TLN2: variants seen among roughly 807,000 people sequenced by gnomAD.
TLN2 encodes talin-2.
TLN2 carries 118 observed loss-of-function variants against 294.7 expected under a neutral mutation model. That is an observed-to-expected ratio of 0.40 (90% CI 0.34 to 0.47). TLN2 has a LOEUF of 0.47. Ranked by LOEUF, TLN2 falls within the 20% of genes least tolerant of loss-of-function variation. The pLI is 0.84. For synonymous variants in TLN2, 1,431 were observed against 1,304.5 expected (o/e 1.10, Z -2.09); for missense variants, 3,083 against 3,282.2 (o/e 0.94, Z 1.48).
intron 25 of TLN2, among the ~76,000 whole-genome samples, chr15:62,720,818 G>A (rs529162064): frequency 2.0e-5 from 3 of 152,084 alleles, no homozygotes; most frequent in East Asian, 3.9e-4. Context: ...ATTATTGGAC[G>A]TACAGGTTTT....
intron 42 of TLN2, 125 bp from the exon 43 acceptor site, chr15:62,776,639 A>G (rs913941183): frequency 4.2e-6 from 4 of 949,642 alleles, no homozygotes; most frequent in African/African-American, 3.4e-5. Flanking sequence ...AAGGGAAGAA[A>G]TAGAATAGAT....
At chr15:62,664,989 T>G (rs1386471086) in intron 9 of TLN2, among the ~76,000 whole-genome samples, 2 of 96,788 alleles carry the variant, frequency 2.1e-5, no homozygotes, top group Non-Finnish European at 4.7e-5. Context: ...CATGTCAATA[T>G]GTATTTCTCC....
At chr15:62,605,380 T>G (rs1374275464) in intron 2 of TLN2, among the ~76,000 whole-genome samples, 1 of 152,206 alleles carries the variant, frequency 6.6e-6, no homozygotes, top group Non-Finnish European at 1.5e-5. Flanking sequence ...GCGATGAGCT[T>G]CTTGTTGTTA....
intron 1 of TLN2, among the ~76,000 whole-genome samples, chr15:62,582,261 C>T (rs576293153): frequency 7.6e-4 from 112 of 146,514 alleles, no homozygotes; most frequent in Admixed American, 1.8e-3. Context: ...CATGCCTGAC[C>T]CATTCCTGAC....
chr15:62,826,086 G>A (rs1302853679), intron 54 of TLN2, among the ~76,000 whole-genome samples: 2 of 150,866 alleles, frequency 1.3e-5, no homozygotes, highest in Non-Finnish European at 2.9e-5. Context: ...TAGACCAGTA[G>A]GTCCTTGTCA....
At chr15:62,705,464 A>G (rs1595729130) in intron 19 of TLN2, among the ~76,000 whole-genome samples, 1 of 152,202 alleles carries the variant, frequency 6.6e-6, no homozygotes, top group Non-Finnish European at 1.5e-5. Context: ...GTCAGCAGCT[A>G]TAGCTGTAGT....
intron 7 of TLN2, among the ~76,000 whole-genome samples, chr15:62,655,070 T>G (rs1029748071): frequency 1.3e-5 from 2 of 151,600 alleles, no homozygotes; most frequent in Non-Finnish European, 2.9e-5. Flanking sequence ...CTTTCTGTGT[T>G]TTTTTTTTCT....
At chr15:62,567,610 G>A (rs1297142201) in intron 1 of TLN2, among the ~76,000 whole-genome samples, 7 of 151,976 alleles carry the variant, frequency 4.6e-5, no homozygotes, top group African/African-American at 1.7e-4. Context: ...CAAGGCGGGT[G>A]GATCACTTGA....
intron 4 of TLN2, 125 bp from the exon 5 acceptor site, chr15:62,649,959 A>G: frequency 1.1e-6 from 1 of 912,878 alleles, no homozygotes; most frequent in South Asian, 1.5e-5. Context: ...TGTCAAAACG[A>G]AACATTGCTG....
At position 62,722,502 on chromosome 15, in the gene TLN2, T is replaced by C; in HGVS notation, c.3126+15T>C. On this transcript the variant is annotated intron_variant, in intron 26 of 58. Coordinates refer to ENST00000636159, the MANE Select transcript of TLN2 (RefSeq NM_015059.3). ...CCTCGCAGAAGGCAAGTGGAGCGTG[T>C]CATAGGGGTTAACTTGTCAGGAAGG... The C allele has an allele frequency of 6.2e-6, 10 of 1,602,064 alleles. No homozygotes were observed. Among genetic ancestry groups the C allele is most frequent in the Non-Finnish European group, 8.5e-6 (10 of 1,172,538 alleles).
At chr15:62,548,186 G>A (rs940988538) in intron 1 of TLN2, among the ~76,000 whole-genome samples, 2 of 152,194 alleles carry the variant, frequency 1.3e-5, no homozygotes, top group African/African-American at 4.8e-5. Context: ...GCCTGAGTCT[G>A]GAAGACCAGA....
intron 1 of TLN2, among the ~76,000 whole-genome samples, chr15:62,523,437 A>C (rs935571027): frequency 6.6e-6 from 1 of 152,238 alleles, no homozygotes; most frequent in Non-Finnish European, 1.5e-5. Context: ...ATGCTAGTGA[A>C]TAGCTGTATG....
At chr15:62,521,049 T>TAA (rs1230298455) in intron 1 of TLN2, among the ~76,000 whole-genome samples, 1 of 152,216 alleles carries the variant, frequency 6.6e-6, no homozygotes, top group African/African-American at 2.4e-5. Flanking sequence ...TTTGTCTTCT[T>TAA]ACAGTGTCAT....
At chr15:62,685,316 G>T (rs538274319) in intron 11 of TLN2, among the ~76,000 whole-genome samples, 17 of 152,124 alleles carry the variant, frequency 1.1e-4, no homozygotes, top group Middle Eastern at 3.4e-3. Context: ...CATAATTTAT[G>T]TATCAAGTCC....
At chr15:62,784,161 C>T in intron 45 of TLN2, 1 of 459,850 alleles carries the variant, frequency 2.2e-6, no homozygotes, top group Non-Finnish European at 3.8e-6. Context: ...ATCAGGTCCC[C>T]TGTCCCTAGC....
At chr15:62,572,725 T>A (rs2043993229) in intron 1 of TLN2, among the ~76,000 whole-genome samples, 1 of 152,254 alleles carries the variant, frequency 6.6e-6, no homozygotes, top group Non-Finnish European at 1.5e-5. Context: ...GGCTTCTGCC[T>A]TTCCTTGCTG....
At chr15:62,604,443 T>C (rs1280793917) in intron 2 of TLN2, among the ~76,000 whole-genome samples, 1 of 148,410 alleles carries the variant, frequency 6.7e-6, no homozygotes, top group Non-Finnish European at 1.5e-5. Flanking sequence ...CTTGGGAGAC[T>C]GAGGTAGAAG....
chr15:62,590,787 C>G (rs952518106), intron 2 of TLN2, among the ~76,000 whole-genome samples: 16 of 152,124 alleles, frequency 1.1e-4, no homozygotes, highest in African/African-American at 3.9e-4. Flanking sequence ...AGTTGATGCT[C>G]TTACTCGGTA....
intron 1 of TLN2, among the ~76,000 whole-genome samples, chr15:62,461,991 C>G (rs548066111): frequency 1.3e-5 from 2 of 152,174 alleles, no homozygotes; most frequent in South Asian, 4.2e-4. Context: ...AATCCCAGCA[C>G]TTTGGGCGGC....
Sources: allele counts gnomAD v4.1 joint callset (sites outside exome capture counted in the v4.1 genomes callset), GRCh38; gene constraint gnomAD v4.1.1; transcripts MANE v1.5; gene names NCBI Gene and HGNC (gene_info 2026-07-23, HGNC 2026-07-21).